RTL1: variants seen among roughly 807,000 people sequenced by gnomAD.
The protein encoded by RTL1 is retrotransposon-like protein 1.
For missense variants in RTL1, 1,681 were observed against 1,767.5 expected (o/e 0.95, Z 0.88); for synonymous variants, 727 against 748.4 (o/e 0.97, Z 0.47).
At position 100,882,322 on chromosome 14, in the gene RTL1, C is replaced by T. The variant is rs1018029172; in HGVS notation, c.2467G>A (p.Val823Met). The T allele has an allele frequency of 3.4e-5, 52 of 1,551,586 alleles. No individual in the cohort carries two copies. The highest frequency in any genetic ancestry group is 3.9e-5 in the Non-Finnish European group (45 of 1,147,028). Reference protein sequence around the residue: ...IEFVFPYRHFVERFSIIAEPL... With the variant: ...IEFVFPYRHFMERFSIIAEPL... ...TCTGCGATGATGCTGAAGCGCTCCA[C>T]GAAGTGGCGGTAGGGGAAGACGAAT... is the stretch of plus-strand genomic sequence containing the variant. Residue 823 changes from valine to methionine, a missense_variant, in exon 4 of 4, where the codon GTG becomes ATG. Physicochemically the swap from Val to Met is conservative, Grantham distance 21 (BLOSUM62 1). Transcript: ENST00000649591.
rs1460673002 is a variant in RTL1, at chr14:100,882,343, C to T, written c.2446G>A (p.Val816Ile). The T allele has an allele frequency of 7.1e-6, 11 of 1,551,640 alleles. No homozygotes were observed. In the South Asian group the frequency reaches 8.3e-5, roughly 12 times the overall value. ...TCCACGAAGTGGCGGTAGGGGAAGACGAATTCGATGAAGTTTCGCAGAGAT... is the reference window on the plus strand; with the variant it reads ...TCCACGAAGTGGCGGTAGGGGAAGATGAATTCGATGAAGTTTCGCAGAGAT... ...KLSLRNFIEF[V>I]FPYRHFVERF... The change falls in exon 4 of 4, where the codon GTC (valine) becomes ATC (isoleucine). Residue 816 changes from valine (V) to isoleucine (I), a missense_variant. Physicochemically the swap from Val to Ile is conservative, Grantham distance 29. Coordinates refer to ENST00000649591, the MANE Select transcript of RTL1 (RefSeq NM_001134888.3).
In RTL1 at chr14:100,883,032, T is replaced by A; in HGVS notation, c.1757A>T (p.Asp586Val). ...CTCAGAGGGCTCTGATTCAGAAAGA[T>A]CATCGGATCCGTCTGAGCTTGGCTG... ...SDQPSSDGSDDLSESEPSELQ... is the reference protein window; with the variant it reads ...SDQPSSDGSDVLSESEPSELQ... Residue 586 changes from aspartate to valine, a missense_variant, in exon 4 of 4, where the codon GAT (aspartate) becomes GTT (valine). Asp to Val is a radical substitution (Grantham distance 152). Coordinates refer to ENST00000649591, the MANE Select transcript of RTL1 (RefSeq NM_001134888.3). The surrounding 1 kb of genome is among the most constrained non-coding windows in gnomAD (Gnocchi z 5.9). 1 of 1,614,132 alleles carries A rather than the reference T, an allele frequency of 6.2e-7. No individual in the cohort carries two copies. Among genetic ancestry groups the A allele is most frequent in the Non-Finnish European group, 8.5e-7 (1 of 1,180,026 alleles).
chr14:100,880,884 G>A lies in RTL1; in HGVS notation c.3905C>T (p.Ala1302Val). 6.5e-7 allele frequency: 1 copy of A among 1,540,904 alleles called. No individual in the cohort carries two copies. Among genetic ancestry groups the A allele is most frequent in the Non-Finnish European group, 8.7e-7 (1 of 1,143,234 alleles). ...LGSRLLHIHS[A>V]DGQLHLLSRE... ...GCTGAGCAGGTGCAGCTGGCCATCT[G>A]CACTGTGGATGTGGAGCAGGCGGCT... The change falls in exon 4 of 4, where the codon GCA (alanine) becomes GTA (valine). Residue 1302 changes from alanine (A) to valine (V), a missense_variant. Coordinates refer to ENST00000649591, the MANE Select transcript of RTL1 (RefSeq NM_001134888.3).
chr14:100,884,345 C>G lies in RTL1; in HGVS notation c.444G>C (p.Glu148Asp), dbSNP rs541629749. 9 of 1,554,744 alleles carry G rather than the reference C, an allele frequency of 5.8e-6. No individual in the cohort carries two copies. The highest frequency in any genetic ancestry group is 4.9e-5 in the East Asian group (2 of 41,234). Residue 148 changes from glutamate (E) to aspartate (D), a missense_variant, in exon 4 of 4, where the codon GAG becomes GAC. By Grantham distance (45) the Glu-to-Asp change is conservative. Transcript: ENST00000649591. ...HTDLKESGRE[E>D]TPQEQNQTEH... The stretch of plus-strand genomic sequence containing the variant: ...CGGTCTGGTTTTGCTCTTGAGGAGT[C>G]TCCTCCCTTCCCGATTCCTTCAGGT...
At chr14:100,891,642 C>T (rs2038780596) in intron 3 of RTL1, among the ~76,000 whole-genome samples, 2 of 152,206 alleles carry the variant, frequency 1.3e-5, no homozygotes, top group Admixed American at 6.5e-5. Context: ...GGGGCGTGTG[C>T]CGCCTGCGGG....
At position 100,903,090 on chromosome 14, in the gene RTL1, C is replaced by T. The variant is rs144301368; in HGVS notation, c.-149+201G>A. 8.1e-3 allele frequency among the ~76,000 whole-genome samples: 1,226 copies of T among 152,244 alleles called. 70 individuals are homozygous for T. Among genetic ancestry groups the T allele is most frequent in the Admixed American group, 0.074 (1,139 of 15,296 alleles). ...GAGCCCACATCTGCATTTAATAGAC[C>T]GAGAATTTGCATTGTATATAACAGC... On this transcript the variant is annotated intron_variant, in intron 2 of 3. Transcript: ENST00000649591.
In RTL1 at chr14:100,893,329, A is replaced by G. The variant is rs1442075947; in HGVS notation, c.-87+115T>C. Among the ~76,000 whole-genome samples, 1 of 152,052 alleles carries G rather than the reference A, an allele frequency of 6.6e-6. No homozygotes were observed. The highest frequency in any genetic ancestry group is 2.4e-5 in the African/African-American group (1 of 41,406). ...CATGGTTTTTTCTTACAGACGAATG[A>G]ACACTTTAACCCTTGTCCTGAGTGC... On this transcript the variant is annotated intron_variant, in intron 3 of 3. Transcript: ENST00000649591. The surrounding 1 kb of genome is among the most constrained non-coding windows in gnomAD (Gnocchi z 4.2).
intron 3 of RTL1, 99 bp from the exon 4 acceptor site, chr14:100,884,973 A>C: frequency 3.6e-6 from 2 of 551,636 alleles, no homozygotes; most frequent in Non-Finnish European, 3.2e-6. Context: ...TGCCCAACTA[A>C]TCAGAGCAGA....
At chr14:100,891,031 C>T (rs1199044050) in intron 3 of RTL1, among the ~76,000 whole-genome samples, 1 of 152,138 alleles carries the variant, frequency 6.6e-6, no homozygotes, top group Non-Finnish European at 1.5e-5. Flanking sequence ...GGATGGCTCA[C>T]TTGATGGGAC....
rs1382380526 is a variant in RTL1, at chr14:100,882,723, G to T, written c.2066C>A (p.Ala689Glu). ...CATCTCTTCAAGCTCCAAACCAAAC[G>T]CTGCTTTCCACACATCTTCGGTGCG... ...GHRTEDVWKA[A>E]FGLELEEMKS... is the part of the protein sequence containing the mutation. Residue 689 changes from alanine (A) to glutamate (E), a missense_variant, in exon 4 of 4, where the codon GCG becomes GAG. Physicochemically the swap from Ala to Glu is moderately radical, Grantham distance 107. Coordinates refer to ENST00000649591, the MANE Select transcript of RTL1 (RefSeq NM_001134888.3). 1.9e-6 allele frequency: 3 copies of T among 1,551,964 alleles called. No individual in the cohort carries two copies. In the South Asian group the frequency reaches 3.6e-5, roughly 18 times the overall value.
chr14:100,883,573 G>A lies in RTL1; in HGVS notation c.1216C>T (p.Arg406Cys), dbSNP rs564495053. ...LPSEVHPDINRAHLFLLLMVR... is the reference protein window; with the variant it reads ...LPSEVHPDINCAHLFLLLMVR... ...ATGAGCAGCAGGAAGAGGTGGGCGC[G>A]ATTGATGTCCGGATGGACTTCGCTG... The change falls in exon 4 of 4, where the codon CGC becomes TGC. Residue 406 changes from arginine (R) to cysteine (C), a missense_variant. Transcript: ENST00000649591. The surrounding 1 kb of genome is among the most constrained non-coding windows in gnomAD (Gnocchi z 5.9). The A allele has an allele frequency of 6.4e-7, 1 of 1,551,454 alleles. No individual in the cohort carries two copies. The highest frequency in any genetic ancestry group is 8.7e-7 in the Non-Finnish European group (1 of 1,146,996).
At position 100,880,084 on chromosome 14, in the gene RTL1, G is replaced by T. The variant is rs951768015; in HGVS notation, c.*628C>A. On this transcript the variant is annotated 3_prime_UTR_variant, in exon 4 of 4. Coordinates refer to ENST00000649591, the MANE Select transcript of RTL1 (RefSeq NM_001134888.3). ...TTTGTCCAGGTAAGTCCAGAGCTCA[G>T]GGCAAGAGGAAGGCGGGGTCAAAAA... Among the ~76,000 whole-genome samples the T allele has an allele frequency of 6.6e-6, 1 of 150,522 alleles. No homozygotes were observed. Among genetic ancestry groups the T allele is most frequent in the African/African-American group, 2.5e-5 (1 of 40,768 alleles).
At chr14:100,885,564 T>G (rs1349842232) in intron 3 of RTL1, among the ~76,000 whole-genome samples, 2 of 151,318 alleles carry the variant, frequency 1.3e-5, no homozygotes, top group Non-Finnish European at 2.9e-5. Context: ...ACATACCTAC[T>G]ATGTGCTGGA....
chr14:100,894,272 T>G (rs2038823512), intron 2 of RTL1, among the ~76,000 whole-genome samples: 1 of 135,758 alleles, frequency 7.4e-6, no homozygotes, highest in Non-Finnish European at 1.5e-5. Flanking sequence ...ATCATGCCAC[T>G]GCACTCCAAC....
intron 3 of RTL1, among the ~76,000 whole-genome samples, chr14:100,886,470 T>A (rs1459974984): frequency 6.6e-6 from 1 of 152,230 alleles, no homozygotes; most frequent in Admixed American, 6.5e-5. Context: ...TATTCTCTGG[T>A]TAAAATGTAA....
chr14:100,890,164 C>A (rs1424006168), intron 3 of RTL1, among the ~76,000 whole-genome samples: 2 of 151,126 alleles, frequency 1.3e-5, no homozygotes, highest in African/African-American at 2.4e-5. Flanking sequence ...GGACCCTCTT[C>A]CCCCCAACAC....
chr14:100,881,380 T>G lies in RTL1; in HGVS notation c.3409A>C (p.Ser1137Arg). 6.4e-7 allele frequency: 1 copy of G among 1,550,656 alleles called. No homozygotes were observed. Among genetic ancestry groups the G allele is most frequent in the Non-Finnish European group, 8.7e-7 (1 of 1,146,978 alleles). Reference sequence around the variant, plus strand: ...AGCTGGGTGATGGCTGTCGTGATGCTGCTGCCTGCGATGAGGGACGAATCC... The same window carrying G: ...AGCTGGGTGATGGCTGTCGTGATGCGGCTGCCTGCGATGAGGGACGAATCC... ...ILDSSLIAGS[S>R]ITTAITQLLT... is the part of the protein sequence containing the mutation. Residue 1137 changes from serine (S) to arginine (R), a missense_variant, in exon 4 of 4, where the codon AGC (serine) becomes CGC (arginine). By Grantham distance (110) the Ser-to-Arg change is moderately radical. Transcript: ENST00000649591. This position sits in a 1 kb window ranked among gnomAD's most constrained non-coding sequence, Gnocchi z 6.6.
At chr14:100,889,122 A>G (rs1046869645) in intron 3 of RTL1, among the ~76,000 whole-genome samples, 1 of 152,240 alleles carries the variant, frequency 6.6e-6, no homozygotes, top group Non-Finnish European at 1.5e-5. Flanking sequence ...ACTCCTTAGC[A>G]TGATATAAAA....
At chr14:100,888,688 C>T (rs1396646029) in intron 3 of RTL1, among the ~76,000 whole-genome samples, 1 of 152,184 alleles carries the variant, frequency 6.6e-6, no homozygotes, top group East Asian at 1.9e-4. Flanking sequence ...ACGCAAAAAA[C>T]TCACCAGGCC....
Sources: allele counts gnomAD v4.1 joint callset (sites outside exome capture counted in the v4.1 genomes callset), GRCh38; gene constraint gnomAD v4.1.1; non-coding constraint Gnocchi (gnomAD v3.1); transcripts MANE v1.5; gene names NCBI Gene and HGNC (gene_info 2026-07-23, HGNC 2026-07-21).